Variants in DDX59 observed in about 807,000 individuals in gnomAD.
DDX59 encodes probable ATP-dependent RNA helicase DDX59.
A neutral mutation model predicts 51.9 loss-of-function variants in DDX59; 30 were observed. The observed-to-expected ratio is 0.58, with a 90% CI of 0.43 to 0.78. The LOEUF (loss-of-function observed/expected upper bound fraction) is 0.78, where lower values mean the gene tolerates loss of function less well. DDX59 is among the 30% of genes least tolerant of loss of function. The probability of loss-of-function intolerance (pLI) is 0.00; values close to 1 mark genes in which losing one functional copy is unlikely to be tolerated. For missense variants in DDX59, 672 were observed against 730.8 expected (o/e 0.92, Z 0.93); for synonymous variants, 255 against 253.3 (o/e 1.01, Z -0.06).
chr1:200,651,341 C>T (rs1040430004), intron 4 of DDX59, among the ~76,000 whole-genome samples: 6 of 152,022 alleles, frequency 3.9e-5, no homozygotes, highest in East Asian at 1.9e-4. Context: ...CCACAATGTA[C>T]GGGTAATAAG....
chr1:200,668,430 A>C (rs561222906), intron 1 of DDX59, among the ~76,000 whole-genome samples: 1 of 152,188 alleles, frequency 6.6e-6, no homozygotes, highest in Non-Finnish European at 1.5e-5. Context: ...ACTAAGCTCT[A>C]ATTTTTTATC....
intron 5 of DDX59, 133 bp downstream of exon 5, chr1:200,650,292 G>T: frequency 4.3e-6 from 4 of 927,034 alleles, no homozygotes; most frequent in African/African-American, 1.7e-5. Context: ...AGAATTCTAG[G>T]GTAGGTAAAG....
chr1:200,657,957 T>C (rs1351798935), intron 4 of DDX59, among the ~76,000 whole-genome samples: 1 of 152,176 alleles, frequency 6.6e-6, no homozygotes, highest in African/African-American at 2.4e-5. Context: ...TTCTTCATCC[T>C]TGCCATAGCT....
chr1:200,649,976 G>T (rs370156576), intron 5 of DDX59, among the ~76,000 whole-genome samples: 7 of 151,718 alleles, frequency 4.6e-5, no homozygotes, highest in Non-Finnish European at 8.8e-5. Context: ...CCGAGTGGCT[G>T]GGACTACAGG....
At position 200,648,573 on chromosome 1, in the gene DDX59, CA is replaced by C; in HGVS notation, c.1468-7del. Reference sequence around the variant, plus strand: ...TAGTCTCCTTCAAGTAATCCCTTTCCAAAAAAGCAACAAAATTTATTATTCA... The same window carrying C: ...TAGTCTCCTTCAAGTAATCCCTTTCCAAAAAGCAACAAAATTTATTATTCA... On this transcript the variant is annotated splice_polypyrimidine_tract_variant and splice_region_variant and intron_variant, in intron 6 of 7. Transcript: ENST00000331314. The C allele has an allele frequency of 6.3e-7, 1 of 1,599,410 alleles. No homozygotes were observed. The highest frequency in any genetic ancestry group is 1.1e-5 in the South Asian group (1 of 88,592).
chr1:200,646,838 T>C (rs1487795218), intron 7 of DDX59, among the ~76,000 whole-genome samples: 1 of 152,218 alleles, frequency 6.6e-6, no homozygotes, highest in Admixed American at 6.5e-5. Context: ...AGCCAAAATG[T>C]AGAAACAACC....
rs979414346 is a variant in DDX59 at position 200,644,123 on chromosome 1, T to C, written c.*131A>G. 17 of 695,850 alleles carry C rather than the reference T, an allele frequency of 2.4e-5. No homozygotes were observed. The highest frequency in any genetic ancestry group is 2.8e-5 in the Non-Finnish European group (15 of 528,982). The allele number at this position is 695,850 out of a possible 1,614,324, so 43.1% of individuals were successfully genotyped here. On this transcript the variant is annotated 3_prime_UTR_variant, in exon 8 of 8. Transcript: ENST00000331314. ...AGAATTAAGGGAAATAAATACAATA[T>C]AGTTATATAAATTTTATTAAATTAA...
At chr1:200,643,622 G>A (rs1240312333), downstream of DDX59, among the ~76,000 whole-genome samples, 1 of 152,074 alleles carries the variant, frequency 6.6e-6, no homozygotes, top group East Asian at 1.9e-4. Flanking sequence ...CAGCCTGGGC[G>A]ACAGAGCGAG....
chr1:200,657,651 A>C (rs1023717278), intron 4 of DDX59, among the ~76,000 whole-genome samples: 5 of 151,978 alleles, frequency 3.3e-5, no homozygotes, highest in African/African-American at 9.6e-5. Context: ...CGGGAGGCTG[A>C]GGCAGGAGAA....
intron 4 of DDX59, among the ~76,000 whole-genome samples, chr1:200,651,310 A>G (rs1486501350): frequency 6.6e-6 from 1 of 152,186 alleles, no homozygotes; most frequent in Admixed American, 6.5e-5. Context: ...TCCCCCCTAA[A>G]TTCATATGTT....
At chr1:200,662,335 A>C (rs538821000) in intron 3 of DDX59, among the ~76,000 whole-genome samples, 2 of 152,286 alleles carry the variant, frequency 1.3e-5, no homozygotes, top group African/African-American at 2.4e-5. Context: ...AAGGTTTGGG[A>C]GGAAAAAAAA....
At position 200,665,380 on chromosome 1, in the gene DDX59, G is replaced by A. The variant is rs548557991; in HGVS notation, c.804+557C>T. Among the ~76,000 whole-genome samples, 7 of 151,658 alleles carry A rather than the reference G, an allele frequency of 4.6e-5. No individual in the cohort carries two copies. In the South Asian group the frequency reaches 1.5e-3, roughly 32 times the overall value. On this transcript the variant is annotated intron_variant, in intron 2 of 7. Transcript: ENST00000331314. ...TGAGGCAGGAGAATCACTTGAACCTGAACCTGGGAGACGGATCACTTGAAC... is the reference window on the plus strand; with the variant it reads ...TGAGGCAGGAGAATCACTTGAACCTAAACCTGGGAGACGGATCACTTGAAC...
chr1:200,644,223 A>G lies in DDX59; in HGVS notation c.*31T>C, dbSNP rs1661148365. On this transcript the variant is annotated 3_prime_UTR_variant, in exon 8 of 8. Coordinates refer to ENST00000331314, the MANE Select transcript of DDX59 (RefSeq NM_001031725.6). ...CATAATTTTTTGCTGACTATATACA[A>G]TAAAAAAAAATATTCAAGTGGCAGA... 1 of 1,480,802 alleles carries G rather than the reference A, an allele frequency of 6.8e-7. No homozygotes were observed. Among genetic ancestry groups the G allele is most frequent in the East Asian group, 2.4e-5 (1 of 41,738 alleles). 91.7% of individuals were successfully genotyped at this position (1,480,802 alleles called of 1,614,324 possible).
chr1:200,652,470 A>T (rs1661729322), intron 4 of DDX59, among the ~76,000 whole-genome samples: 1 of 152,106 alleles, frequency 6.6e-6, no homozygotes, highest in South Asian at 2.1e-4. Flanking sequence ...CCTGGGCTCA[A>T]GCCAACCTCC....
At chr1:200,663,858 A>C in intron 3 of DDX59, 61 bp downstream of exon 3, 1 of 1,382,206 alleles carries the variant, frequency 7.2e-7, no homozygotes, top group Non-Finnish European at 9.4e-7. Flanking sequence ...GGGAAAAAAA[A>C]CACTAGTTCC....
intron 2 of DDX59, 75 bp downstream of exon 2, chr1:200,665,862 G>T: frequency 6.9e-7 from 1 of 1,453,926 alleles, no homozygotes; most frequent in South Asian, 1.5e-5. Context: ...TTTTAATATA[G>T]TTAAAAATGA....
At position 200,650,471 on chromosome 1, in the gene DDX59, C is replaced by A. The variant is rs777172345; in HGVS notation, c.1268G>T (p.Trp423Leu). The change falls in exon 5 of 8, where the codon TGG becomes TTG. Residue 423 changes from tryptophan (W) to leucine (L), a missense_variant. Coordinates refer to ENST00000331314, the MANE Select transcript of DDX59 (RefSeq NM_001031725.6). ...PCANVRQIIL[W>L]VEDPAKKKKL... ...TTTCTTTTTGGCTGGGTCTTCTACC[C>A]ACAAAATAATCTGACGTACATTGGC... 1 of 1,613,696 alleles carries A rather than the reference C, an allele frequency of 6.2e-7. No individual in the cohort carries two copies. The highest frequency in any genetic ancestry group is 8.5e-7 in the Non-Finnish European group (1 of 1,179,764).
chr1:200,669,110 TTTGA>T (rs1416589548), intron 1 of DDX59, among the ~76,000 whole-genome samples: 14 of 152,164 alleles, frequency 9.2e-5, no homozygotes, highest in African/African-American at 3.4e-4. Flanking sequence ...TTTTTCAGAG[TTTGA>T]TTCTTTTCAT....
chr1:200,663,447 C>T (rs1245366300), intron 3 of DDX59, among the ~76,000 whole-genome samples: 1 of 152,172 alleles, frequency 6.6e-6, no homozygotes, highest in African/African-American at 2.4e-5. Flanking sequence ...AGAATCAGAC[C>T]ACATTGCTTT....
Sources: gnomAD v4.1 joint callset for allele counts (sites outside exome capture counted in the v4.1 genomes callset) on GRCh38, gnomAD v4.1.1 for gene constraint, MANE v1.5 for transcripts, NCBI Gene and HGNC (gene_info 2026-07-23, HGNC 2026-07-21) for gene names.